The following RAMP3 variants were observed in gnomAD, a reference collection of about 807,000 sequenced individuals.
RAMP3 encodes the protein receptor activity modifying protein 3.
Under a neutral mutation model 13.5 loss-of-function variants are expected in RAMP3, and 14 were observed. The ratio of observed to expected loss-of-function variants is 1.04; its 90% CI spans 0.69 to 1.63. RAMP3 has a LOEUF of 1.63. Ranked by LOEUF, RAMP3 falls within the 40% of genes most tolerant of loss-of-function variation. The pLI is 0.00. For missense variants in RAMP3, 200 were observed against 204.8 expected, an observed-to-expected ratio of 0.98 and a Z score of 0.14; for synonymous variants, 106 against 88.3, an observed-to-expected ratio of 1.20 and a Z score of -1.12.
At chr7:45,163,986 C>G in intron 1 of RAMP3, 1 of 644,088 alleles carries the variant, frequency 1.6e-6, no homozygotes, top group Non-Finnish European at 1.9e-6. Context: ...TGGCTGAAAA[C>G]CCACTTCTGC....
chr7:45,177,046 AT>A (rs1180969163), intron 1 of RAMP3, among the ~76,000 whole-genome samples: 1 of 152,180 alleles, frequency 6.6e-6, no homozygotes. Flanking sequence ...TCACTGCCTG[AT>A]CCCTGCCTGT....
intron 1 of RAMP3, 142 bp downstream of exon 1, chr7:45,158,028 G>A: frequency 1.2e-6 from 1 of 841,830 alleles, no homozygotes; most frequent in East Asian, 3.4e-5. Flanking sequence ...GACCCTGGCG[G>A]GATTCCCAGG....
At chr7:45,172,456 A>G (rs765226389) in intron 1 of RAMP3, among the ~76,000 whole-genome samples, 1 of 152,168 alleles carries the variant, frequency 6.6e-6, no homozygotes, top group Non-Finnish European at 1.5e-5. Context: ...ACCATCCCAG[A>G]AGTCTGTACC....
At chr7:45,177,000 C>T (rs1015091646) in intron 1 of RAMP3, among the ~76,000 whole-genome samples, 1 of 152,194 alleles carries the variant, frequency 6.6e-6, no homozygotes, top group Admixed American at 6.5e-5. Flanking sequence ...TGCCTGAGAC[C>T]CTCTCACCAC....
At chr7:45,163,629 A>G (rs1446751991) in intron 1 of RAMP3, 1 of 985,358 alleles carries the variant, frequency 1.0e-6, no homozygotes, top group Non-Finnish European at 1.2e-6. Context: ...TAACCTTGAC[A>G]GAGATTTTGT....
At chr7:45,158,108 C>T (rs1469389074) in intron 1 of RAMP3, among the ~76,000 whole-genome samples, 7 of 152,232 alleles carry the variant, frequency 4.6e-5, no homozygotes, top group African/African-American at 1.4e-4. Context: ...AGGCACAGGG[C>T]CCCCTCCGGG....
At chr7:45,170,122 G>T (rs1418622782) in intron 1 of RAMP3, among the ~76,000 whole-genome samples, 1 of 143,196 alleles carries the variant, frequency 7.0e-6, no homozygotes, top group Non-Finnish European at 1.5e-5. Flanking sequence ...CTAGTTAAAG[G>T]TTTGTCAATT....
At chr7:45,174,548 A>G (rs983680558) in intron 1 of RAMP3, among the ~76,000 whole-genome samples, 1 of 151,980 alleles carries the variant, frequency 6.6e-6, no homozygotes, top group African/African-American at 2.4e-5. Flanking sequence ...GGGCCTGTGC[A>G]TTTTTTATCC....
At chr7:45,180,822 T>G (rs968704412) in intron 2 of RAMP3, among the ~76,000 whole-genome samples, 1 of 152,216 alleles carries the variant, frequency 6.6e-6, no homozygotes, top group Non-Finnish European at 1.5e-5. Context: ...TGGTGCATCT[T>G]TTTTAGGGAG....
At chr7:45,161,316 G>T (rs921115324) in intron 1 of RAMP3, among the ~76,000 whole-genome samples, 9 of 152,114 alleles carry the variant, frequency 5.9e-5, no homozygotes, top group Non-Finnish European at 1.3e-4. Context: ...TGGCACTGGG[G>T]GTGGTGGGGA....
At chr7:45,174,408 G>T (rs1474102511) in intron 1 of RAMP3, among the ~76,000 whole-genome samples, 1 of 152,168 alleles carries the variant, frequency 6.6e-6, no homozygotes, top group African/African-American at 2.4e-5. Context: ...ACTGGCTGCT[G>T]TTCTTGGTCC....
intron 2 of RAMP3, among the ~76,000 whole-genome samples, chr7:45,179,110 C>G (rs1584077393): frequency 6.6e-6 from 1 of 152,206 alleles, no homozygotes; most frequent in South Asian, 2.1e-4. Flanking sequence ...TGGGCCTTCC[C>G]ATGTAATTGA....
Position 45,177,360 on chromosome 7 carries a change from T to C in RAMP3, c.110T>C (p.Leu37Pro), listed in dbSNP as rs1384048910. 4.3e-6 allele frequency: 7 copies of C among 1,614,146 alleles called. No homozygotes were observed. The highest frequency in any genetic ancestry group is 1.3e-5 in the African/African-American group (1 of 75,044). Residue 37 changes from leucine (L) to proline (P), a missense_variant, in exon 2 of 3, where the codon CTG (leucine) becomes CCG (proline). Leu to Pro is a moderately conservative substitution (Grantham distance 98, BLOSUM62 -3). Transcript: ENST00000242249. ...AACGAGACAGGCATGTTGGAGAGGC[T>C]GCCCCTGTGTGGGAAGGCTTTCGCA... ...GCNETGMLER[L>P]PLCGKAFADM...
At chr7:45,181,316 G>C (rs1786307941) in intron 2 of RAMP3, among the ~76,000 whole-genome samples, 1 of 152,234 alleles carries the variant, frequency 6.6e-6, no homozygotes, top group Non-Finnish European at 1.5e-5. Context: ...GCTTCTCCAT[G>C]TGGCCTAGCT....
chr7:45,181,302 G>A (rs188634734), intron 2 of RAMP3, among the ~76,000 whole-genome samples: 73 of 152,336 alleles, frequency 4.8e-4, no homozygotes, highest in Admixed American at 3.9e-3. Context: ...CCTCTGCTCC[G>A]TGGGCTTCTC....
chr7:45,164,857 T>A (rs1015945908), intron 1 of RAMP3, among the ~76,000 whole-genome samples: 3 of 152,250 alleles, frequency 2.0e-5, no homozygotes, highest in Non-Finnish European at 2.9e-5. Flanking sequence ...CATTTAAAGT[T>A]GGATTCTTGT....
At chr7:45,160,384 G>T (rs946229493) in intron 1 of RAMP3, among the ~76,000 whole-genome samples, 1 of 142,948 alleles carries the variant, frequency 7.0e-6, no homozygotes, top group Non-Finnish European at 1.5e-5. Flanking sequence ...CTTGAAGGTG[G>T]TGATTGGCCA....
chr7:45,177,298 C>T lies in RAMP3; in HGVS notation c.59-11C>T. ...ACTGTAGTGGAATTCTTATGGCTGT[C>T]CCCTCTCCAGGTGGGTGTCCCAGAG... is the stretch of plus-strand genomic sequence containing the variant. On this transcript the variant is annotated splice_polypyrimidine_tract_variant and intron_variant, in intron 1 of 2. Coordinates refer to ENST00000242249, the MANE Select transcript of RAMP3 (RefSeq NM_005856.3). 1 of 1,613,912 alleles carries T rather than the reference C, an allele frequency of 6.2e-7. No homozygotes were observed.
intron 1 of RAMP3, chr7:45,163,593 A>G (rs1457259448): frequency 2.0e-6 from 2 of 985,344 alleles, no homozygotes; most frequent in Non-Finnish European, 2.4e-6. Context: ...AGTGGTGGGA[A>G]TAGGAAGTTG....
Sources: gnomAD v4.1 joint callset for allele counts (sites outside exome capture counted in the v4.1 genomes callset) on GRCh38, gnomAD v4.1.1 for gene constraint, MANE v1.5 for transcripts, NCBI Gene and HGNC (gene_info 2026-07-23, HGNC 2026-07-21) for gene names.